The following KIAA1958 variants were observed in gnomAD, a reference collection of about 807,000 sequenced individuals.
KIAA1958 encodes the protein uncharacterized protein KIAA1958.
Under a neutral mutation model 47.2 loss-of-function variants are expected in KIAA1958, and 14 were observed. That is an observed-to-expected ratio of 0.30 (90% CI 0.20 to 0.46). The LOEUF (loss-of-function observed/expected upper bound fraction) is 0.46, where lower values mean the gene tolerates loss of function less well. Ranked by LOEUF, KIAA1958 falls within the 20% of genes least tolerant of loss-of-function variation. The probability of loss-of-function intolerance (pLI) is 1.00; values close to 1 mark genes in which losing one functional copy is unlikely to be tolerated. For missense variants in KIAA1958, 803 were observed against 909.2 expected (o/e 0.88, Z 1.50); for synonymous variants, 354 against 353.3 (o/e 1.00, Z -0.02).
chr9:112,651,565 T>G (rs1837055559), intron 3 of KIAA1958, among the ~76,000 whole-genome samples: 1 of 151,940 alleles, frequency 6.6e-6, no homozygotes. Flanking sequence ...TGGCTAATTT[T>G]TTGTATTTTT....
intron 1 of KIAA1958, among the ~76,000 whole-genome samples, chr9:112,519,620 A>G (rs1422737764): frequency 6.6e-6 from 1 of 152,182 alleles, no homozygotes; most frequent in African/African-American, 2.4e-5. Flanking sequence ...GTGCCCAGTG[A>G]TTACAGAACT....
rs1401010469 is a variant in KIAA1958 at position 112,618,878 on chromosome 9, G to A, written c.1172-26772G>A. 1.2e-5 allele frequency: 18 copies of A among 1,548,094 alleles called. No homozygotes were observed. The highest frequency in any genetic ancestry group is 5.9e-5 in the Admixed American group (3 of 50,932). ...CCACTCCAACAATGGCAATTTCATC[G>A]TCTCCGCCTCCTATGACTCTTCCTC... On this transcript the variant is annotated intron_variant, in intron 2 of 3. Transcript: ENST00000337530. This position sits in a 1 kb window ranked among gnomAD's most constrained non-coding sequence, Gnocchi z 7.1.
At chr9:112,523,674 G>C (rs773521403) in intron 1 of KIAA1958, among the ~76,000 whole-genome samples, 4 of 152,114 alleles carry the variant, frequency 2.6e-5, no homozygotes, top group Non-Finnish European at 5.9e-5. Context: ...TCGATGGGGA[G>C]TTATGTTCTC....
chr9:112,617,135 G>A (rs1411041419), intron 2 of KIAA1958, among the ~76,000 whole-genome samples: 1 of 152,140 alleles, frequency 6.6e-6, no homozygotes, highest in Non-Finnish European at 1.5e-5. Context: ...AAGAAACAGT[G>A]GATCCTGGAG....
At position 112,506,047 on chromosome 9, in the gene KIAA1958, G is replaced by A. The variant is rs571304418; in HGVS notation, c.-25+18929G>A. On this transcript the variant is annotated intron_variant, in intron 1 of 3. Transcript: ENST00000337530. ...GAACTCATATAATGGATATAATTAAGAATGAACAAATTGTGTTTCTATAAA... is the reference window on the plus strand; with the variant it reads ...GAACTCATATAATGGATATAATTAAAAATGAACAAATTGTGTTTCTATAAA... Among the ~76,000 whole-genome samples, 11 of 152,312 alleles carry A rather than the reference G, an allele frequency of 7.2e-5. No homozygotes were observed. In the East Asian group the frequency reaches 2.1e-3, roughly 29 times the overall value.
intron 1 of KIAA1958, among the ~76,000 whole-genome samples, chr9:112,540,869 C>A: frequency 6.6e-6 from 1 of 151,974 alleles, no homozygotes; most frequent in South Asian, 2.1e-4. Context: ...GTTGCCACCA[C>A]ACCTGGATAA....
chr9:112,523,468 A>ATAAG (rs397707235), intron 1 of KIAA1958, among the ~76,000 whole-genome samples: 47 of 151,450 alleles, frequency 3.1e-4, no homozygotes, highest in African/African-American at 1.1e-3. Context: ...AAATAAATAA[A>ATAAG]GCACCAACCG....
chr9:112,585,631 G>A (rs1835811509), intron 2 of KIAA1958, among the ~76,000 whole-genome samples: 1 of 152,214 alleles, frequency 6.6e-6, no homozygotes, highest in East Asian at 1.9e-4. Context: ...CAGTAATCCA[G>A]GTGGGAGATG....
At position 112,486,952 on chromosome 9, in the gene KIAA1958, G is replaced by A. The variant is rs1244177894; in HGVS notation, c.-191G>A. On this transcript the variant is annotated 5_prime_UTR_variant, in exon 1 of 4. Coordinates refer to ENST00000337530, the MANE Select transcript of KIAA1958 (RefSeq NM_133465.4). ...CGCCCCGCTCCTCGGTCCGCCGCCC[G>A]CCGGGCGCCTTCCCCGCTCCACTTA... 3.1e-5 allele frequency: 5 copies of A among 162,882 alleles called. No homozygotes were observed. Among genetic ancestry groups the A allele is most frequent in the African/African-American group, 4.9e-5 (2 of 40,518 alleles). 10.1% of individuals were successfully genotyped at this position (162,882 alleles called of 1,614,324 possible).
intron 2 of KIAA1958, among the ~76,000 whole-genome samples, chr9:112,630,056 G>A (rs1023192664): frequency 6.6e-6 from 1 of 151,770 alleles, no homozygotes; most frequent in Middle Eastern, 3.2e-3. Context: ...GAGCCAAGCA[G>A]CCCATGTGCA....
At chr9:112,496,294 G>A (rs1387944391) in intron 1 of KIAA1958, among the ~76,000 whole-genome samples, 1 of 152,196 alleles carries the variant, frequency 6.6e-6, no homozygotes, top group Non-Finnish European at 1.5e-5. Context: ...ACAGACATAT[G>A]TTGAGCTAAA....
chr9:112,542,658 T>C (rs921736845), intron 1 of KIAA1958, among the ~76,000 whole-genome samples: 2 of 152,204 alleles, frequency 1.3e-5, no homozygotes, highest in African/African-American at 2.4e-5. Flanking sequence ...TGGCTCCTAG[T>C]GAATAGTTCT....
chr9:112,556,313 G>C (rs1835241569), intron 1 of KIAA1958, among the ~76,000 whole-genome samples: 2 of 152,178 alleles, frequency 1.3e-5, no homozygotes, highest in Non-Finnish European at 2.9e-5. Flanking sequence ...AAAGTCTGCT[G>C]CCTGCACACA....
chr9:112,544,048 TC>T (rs1834989003), intron 1 of KIAA1958, among the ~76,000 whole-genome samples: 1 of 152,210 alleles, frequency 6.6e-6, no homozygotes, highest in Non-Finnish European at 1.5e-5. Context: ...CTTGTCTATG[TC>T]TCTATTGTCT....
Position 112,599,757 on chromosome 9 carries a change from ATAT to A in KIAA1958, c.1171+24507_1171+24509del, listed in dbSNP as rs1436566615. On this transcript the variant is annotated intron_variant, in intron 2 of 3. Coordinates refer to ENST00000337530, the MANE Select transcript of KIAA1958 (RefSeq NM_133465.4). ...AAACAAGATTCTTTTTGGAAATTGT[ATAT>A]GATGTCTTGTATATCAAAGTCTGAT... 2.0e-5 allele frequency among the ~76,000 whole-genome samples: 3 copies of A among 152,240 alleles called. No homozygotes were observed. In the East Asian group the frequency reaches 5.8e-4, roughly 29 times the overall value.
chr9:112,574,239 C>T lies in KIAA1958; in HGVS notation c.159C>T (p.Gly53=). 3 of 1,614,092 alleles carry T rather than the reference C, an allele frequency of 1.9e-6. No individual in the cohort carries two copies. Among genetic ancestry groups the T allele is most frequent in the Non-Finnish European group, 2.5e-6 (3 of 1,179,974 alleles). The change falls in exon 2 of 4, where the codon GGC becomes GGT. Residue 53 remains glycine (G), a synonymous_variant. Transcript: ENST00000337530. Reference sequence around the variant, plus strand: ...CAGCAATGTGGGGCTGTAGTGCTGGCCATGCTTATCACTGGCCACTAACAG... The same window carrying T: ...CAGCAATGTGGGGCTGTAGTGCTGGTCATGCTTATCACTGGCCACTAACAG... ...NLTAMWGCSA[G]HAYHWPLTAT...
chr9:112,536,395 C>T (rs868253162), intron 1 of KIAA1958, among the ~76,000 whole-genome samples: 2 of 152,228 alleles, frequency 1.3e-5, no homozygotes, highest in Middle Eastern at 3.4e-3. Flanking sequence ...CAATAAAAGA[C>T]AAGATATCAA....
chr9:112,568,048 A>G (rs1835458111), intron 1 of KIAA1958, among the ~76,000 whole-genome samples: 1 of 151,246 alleles, frequency 6.6e-6, no homozygotes, highest in African/African-American at 2.4e-5. Context: ...AAAAATTTTT[A>G]TTTTTATTTG....
intron 1 of KIAA1958, among the ~76,000 whole-genome samples, chr9:112,554,717 G>T (rs1835212174): frequency 6.6e-6 from 1 of 151,994 alleles, no homozygotes; most frequent in South Asian, 2.1e-4. Flanking sequence ...TAAGAAACAG[G>T]TCCTGTATTT....
Sources: allele counts gnomAD v4.1 joint callset (sites outside exome capture counted in the v4.1 genomes callset), GRCh38; gene constraint gnomAD v4.1.1; non-coding constraint Gnocchi (gnomAD v3.1); transcripts MANE v1.5; gene names NCBI Gene and HGNC (gene_info 2026-07-23, HGNC 2026-07-21).